SACS: variants seen among roughly 807,000 people sequenced by gnomAD.
SACS encodes sacsin.
In SACS, 197 loss-of-function variants were observed where a neutral mutation model predicts 348.0. The observed-to-expected ratio is 0.57, with a 90% CI of 0.50 to 0.64. The LOEUF is 0.64. SACS is among the 30% of genes least tolerant of loss of function. The pLI, the probability that SACS is intolerant of heterozygous loss-of-function variation, is 0.00. For synonymous variants in SACS, 1,985 were observed against 1,910.6 expected (o/e 1.04, Z -1.02); for missense variants, 4,999 against 5,360.8 (o/e 0.93, Z 2.11).
At position 23,358,378 on chromosome 13, in the gene SACS, G is replaced by T. The variant is rs758653462; in HGVS notation, c.561C>A (p.Val187=). ...AATTAAACCCAATTCCAAATCTTCC[G>T]ACCTTCAGAGGATCATCCTTTTTCC... The part of the protein sequence containing the change: ...RSRKKDDPLK[V]GRFGIGFNSV... The change falls in exon 7 of 10, where the codon GTC becomes GTA. Residue 187 remains valine (V), a synonymous_variant. Transcript: ENST00000382292. The T allele has an allele frequency of 1.9e-6, 3 of 1,614,098 alleles. No homozygotes were observed. Among genetic ancestry groups the T allele is most frequent in the Non-Finnish European group, 2.5e-6 (3 of 1,179,998 alleles).
chr13:23,426,363 AGGT>A (rs910683978), intron 1 of SACS, among the ~76,000 whole-genome samples: 3 of 152,200 alleles, frequency 2.0e-5, no homozygotes, highest in Non-Finnish European at 4.4e-5. Flanking sequence ...AGTACAGGCC[AGGT>A]GCAGTGGCCC....
intron 3 of SACS, among the ~76,000 whole-genome samples, chr13:23,372,219 G>A (rs992154209): frequency 3.9e-5 from 6 of 152,192 alleles, no homozygotes; most frequent in Admixed American, 6.5e-5. Context: ...TCTGGGACCT[G>A]TAATAGCATA....
chr13:23,334,107 C>A lies in SACS; in HGVS notation c.9769G>T (p.Val3257Leu), dbSNP rs1041641264. The part of the protein sequence containing the change: ...AWHFISESVS[V>L]KEDQEETKPT... ...TTTGTTTCTTCCTGATCTTCTTTCA[C>A]ACTTACAGATTCACTAATAAAATGC... Residue 3257 changes from valine (V) to leucine (L), a missense_variant, in exon 10 of 10, where the codon GTG (valine) becomes TTG (leucine). Val to Leu is a conservative substitution (Grantham distance 32). Coordinates refer to ENST00000382292, the MANE Select transcript of SACS (RefSeq NM_014363.6). 21 of 1,613,632 alleles carry A rather than the reference C, an allele frequency of 1.3e-5. No homozygotes were observed. In the African/African-American group the frequency reaches 2.8e-4, roughly 22 times the overall value.
chr13:23,332,877 G>A lies in SACS; in HGVS notation c.10999C>T (p.His3667Tyr). Residue 3667 changes from histidine to tyrosine, a missense_variant, in exon 10 of 10, where the codon CAT (histidine) becomes TAT (tyrosine). His to Tyr is a moderately conservative substitution (Grantham distance 83). Around this residue, in one of 6 missense-constraint regions of SACS, gnomAD observed 831 missense variants for 941.8 expected, o/e 0.88. Transcript: ENST00000382292. The part of the protein sequence containing the change: ...ERAPAEFIRF[H>Y]PQYQEVNGTL... ...CCATTTACCTCTTGATATTGAGGAT[G>A]AAATCTAATGAATTCCGCGGGGGCC... is the stretch of plus-strand genomic sequence containing the variant. 1.9e-6 allele frequency: 3 copies of A among 1,613,876 alleles called. No individual in the cohort carries two copies. Among genetic ancestry groups the A allele is most frequent in the Non-Finnish European group, 2.5e-6 (3 of 1,179,924 alleles).
chr13:23,331,967 C>G lies in SACS; in HGVS notation c.11909G>C (p.Arg3970Thr), dbSNP rs1235276243. ...KLIMLFPQKL[R>T]PRLLSSILEE... ...AAGTATACTGCTCAATAATCGAGGT[C>G]TAAGTTTTTGAGGAAAGAGCATTAT... is the stretch of plus-strand genomic sequence containing the variant. Residue 3970 changes from arginine (R) to threonine (T), a missense_variant, in exon 10 of 10, where the codon AGA (arginine) becomes ACA (threonine). Arg to Thr is a moderately conservative substitution (Grantham distance 71). Coordinates refer to ENST00000382292, the MANE Select transcript of SACS (RefSeq NM_014363.6). 2.5e-6 allele frequency: 4 copies of G among 1,613,966 alleles called. No homozygotes were observed. The highest frequency in any genetic ancestry group is 2.7e-5 in the African/African-American group (2 of 74,908).
Position 23,333,450 on chromosome 13 carries a change from C to A in SACS, c.10426G>T (p.Val3476Leu), listed in dbSNP as rs967523899. Residue 3476 changes from valine (V) to leucine (L), a missense_variant, in exon 10 of 10, where the codon GTA becomes TTA. Around this residue, in one of 6 missense-constraint regions of SACS, gnomAD observed 734 missense variants for 694.0 expected, o/e 1.06. Transcript: ENST00000382292. ...IGCVPVDDLEVYLKHLLPKIE... is the reference protein window; with the variant it reads ...IGCVPVDDLELYLKHLLPKIE... Reference sequence around the variant, plus strand: ...TTTGGTAAGAGGTGTTTCAAATATACCTCAAGATCATCTACAGGTACACAA... The same window carrying A: ...TTTGGTAAGAGGTGTTTCAAATATAACTCAAGATCATCTACAGGTACACAA... The A allele has an allele frequency of 5.0e-6, 8 of 1,612,322 alleles. No homozygotes were observed. The highest frequency in any genetic ancestry group is 1.7e-5 in the Admixed American group (1 of 59,882).
chr13:23,431,289 A>G (rs1874423522), intron 1 of SACS, among the ~76,000 whole-genome samples: 1 of 152,216 alleles, frequency 6.6e-6, no homozygotes, highest in Non-Finnish European at 1.5e-5. Flanking sequence ...TAGCACAAAG[A>G]GAAGTCAAAG....
intron 6 of SACS, among the ~76,000 whole-genome samples, chr13:23,361,035 G>A (rs551159022): frequency 5.3e-5 from 8 of 152,236 alleles, no homozygotes; most frequent in Admixed American, 2.6e-4. Flanking sequence ...GATTACAGGC[G>A]TGAGCCCCCA....
At chr13:23,383,293 G>C (rs1392583380) in intron 2 of SACS, among the ~76,000 whole-genome samples, 1 of 152,100 alleles carries the variant, frequency 6.6e-6, no homozygotes, top group East Asian at 1.9e-4. Flanking sequence ...TATTGGCACA[G>C]CTCTCTCCTG....
At chr13:23,372,486 C>G (rs1871455375) in intron 3 of SACS, among the ~76,000 whole-genome samples, 1 of 152,182 alleles carries the variant, frequency 6.6e-6, no homozygotes, top group African/African-American at 2.4e-5. Context: ...CACTATCTAG[C>G]AGAGACTTTA....
Position 23,340,639 on chromosome 13 carries a change from G to A in SACS, c.3237C>T (p.Thr1079=), listed in dbSNP as rs1191861677. The A allele has an allele frequency of 5.0e-6, 8 of 1,603,854 alleles. No homozygotes were observed. The highest frequency in any genetic ancestry group is 6.8e-6 in the Non-Finnish European group (8 of 1,177,164). The change falls in exon 10 of 10, where the codon ACC becomes ACT. Residue 1079 remains threonine (T), a synonymous_variant. Coordinates refer to ENST00000382292, the MANE Select transcript of SACS (RefSeq NM_014363.6). ...EGTYFPPSVF[T]SPDILHSLRQ... is the part of the protein sequence containing the mutation. ...TTAAGGAGTGAAGAATATCTGGTGA[G>A]GTAAAAACTGAGGGTGGGAAATAGG...
intron 6 of SACS, among the ~76,000 whole-genome samples, chr13:23,359,964 G>A (rs1341670736): frequency 6.6e-6 from 1 of 152,216 alleles, no homozygotes; most frequent in African/African-American, 2.4e-5. Flanking sequence ...AGTGCAAACA[G>A]TCAAGGCTGC....
intron 2 of SACS, among the ~76,000 whole-genome samples, chr13:23,384,809 C>T (rs541740048): frequency 1.3e-5 from 2 of 152,188 alleles, no homozygotes; most frequent in African/African-American, 2.4e-5. Flanking sequence ...ACAGGAATAC[C>T]TCAGAGATAT....
In SACS at chr13:23,336,669, C is replaced by G. The variant is rs779973547; in HGVS notation, c.7207G>C (p.Val2403Leu). ...CTTTCTTGATCAATAGATTCCAAAACAAGAGCAAAATCTTCAACAGTGCAT... is the reference window on the plus strand; with the variant it reads ...CTTTCTTGATCAATAGATTCCAAAAGAAGAGCAAAATCTTCAACAGTGCAT... Reference protein sequence around the residue: ...QSCTVEDFALVLESIDQERGT... With the variant: ...QSCTVEDFALLLESIDQERGT... Residue 2403 changes from valine to leucine, a missense_variant, in exon 10 of 10, where the codon GTT (valine) becomes CTT (leucine). Physicochemically the swap from Val to Leu is conservative, Grantham distance 32 (BLOSUM62 1). This residue lies in a region of SACS where 3,156 missense variants were observed against 3,380.1 expected (regional missense o/e 0.93). Coordinates refer to ENST00000382292, the MANE Select transcript of SACS (RefSeq NM_014363.6). 4 of 1,613,816 alleles carry G rather than the reference C, an allele frequency of 2.5e-6. No homozygotes were observed. In the Admixed American group the frequency reaches 6.7e-5, roughly 27 times the overall value.
chr13:23,368,974 C>T (rs908518372), intron 4 of SACS, among the ~76,000 whole-genome samples: 3 of 152,298 alleles, frequency 2.0e-5, no homozygotes, highest in South Asian at 2.1e-4. Context: ...GCTGGGATTC[C>T]AGGCGTGAGC....
intron 2 of SACS, among the ~76,000 whole-genome samples, chr13:23,398,995 T>C (rs1475877990): frequency 3.6e-5 from 4 of 111,562 alleles, no homozygotes; most frequent in African/African-American, 1.3e-4. Flanking sequence ...CATTTCAGTC[T>C]GGTAACAGAG....
intron 2 of SACS, among the ~76,000 whole-genome samples, chr13:23,384,124 A>C (rs1281662417): frequency 1.3e-5 from 2 of 152,234 alleles, no homozygotes; most frequent in African/African-American, 4.8e-5. Flanking sequence ...GCAATAAAAG[A>C]CATCAGAGAT....
chr13:23,397,799 C>T (rs12863935), intron 2 of SACS, among the ~76,000 whole-genome samples: 2,563 of 152,280 alleles, frequency 0.017, 29 homozygotes, highest in South Asian at 0.029. Context: ...GACCATGGCC[C>T]ATACACATCA....
intron 6 of SACS, among the ~76,000 whole-genome samples, chr13:23,360,388 CAA>C (rs869085963): frequency 6.1e-4 from 39 of 64,202 alleles, no homozygotes; most frequent in Non-Finnish European, 8.0e-4. Context: ...TCTACAAAGA[CAA>C]AAAAAAAAAA....
Sources: gnomAD v4.1 joint callset for allele counts (sites outside exome capture counted in the v4.1 genomes callset) on GRCh38, gnomAD v4.1.1 for gene constraint, gnomAD v4.1.1 regional missense constraint, MANE v1.5 for transcripts, NCBI Gene and HGNC (gene_info 2026-07-23, HGNC 2026-07-21) for gene names.